Variants in AR observed in about 807,000 individuals in gnomAD.
AR encodes androgen receptor, also known as dihydrotestosterone receptor.
Under a neutral mutation model 53.9 loss-of-function variants are expected in AR, and 8 were observed. The ratio of observed to expected loss-of-function variants is 0.15; its 90% CI spans 0.09 to 0.27. The LOEUF (loss-of-function observed/expected upper bound fraction) is 0.27, where lower values mean the gene tolerates loss of function less well. Among genes scored for constraint, AR ranks in the 10% least tolerant of loss-of-function variants. The pLI is 1.00. For missense variants in AR, 639 were observed against 742.5 expected (o/e 0.86, Z 1.62); for synonymous variants, 359 against 316.4 (o/e 1.13, Z -1.43).
intron 3 of AR, among the ~76,000 whole-genome samples, chrX:67,688,498 A>G (rs1387656833): frequency 1.8e-5 from 2 of 111,797 alleles, no homozygotes; most frequent in Admixed American, 9.5e-5. Context: ...GAAAGTCTGT[A>G]ACACAGCACT....
chrX:67,673,351 A>ATCTCTCTTTC (rs2075877842), intron 2 of AR, among the ~76,000 whole-genome samples: 2 of 76,681 alleles, frequency 2.6e-5, no homozygotes, highest in Non-Finnish European at 5.6e-5. Context: ...TTCTACCAAG[A>ATCTCTCTTTC]TCTCTCTTTC....
intron 1 of AR, among the ~76,000 whole-genome samples, chrX:67,607,828 C>A (rs1225656360): frequency 9.0e-6 from 1 of 111,597 alleles, no homozygotes; most frequent in Non-Finnish European, 1.9e-5. Context: ...TCATATGGGA[C>A]CAAAAAATTC....
At chrX:67,598,449 T>G (rs1203431764) in intron 1 of AR, among the ~76,000 whole-genome samples, 4 of 110,257 alleles carry the variant, frequency 3.6e-5, no homozygotes, top group Non-Finnish European at 7.6e-5. Flanking sequence ...CCCAGCTAAT[T>G]TTTGTATTTT....
intron 3 of AR, among the ~76,000 whole-genome samples, chrX:67,697,648 G>A (rs1422234441): frequency 9.0e-6 from 1 of 111,255 alleles, no homozygotes; most frequent in Non-Finnish European, 1.9e-5. Context: ...GTCACATGGT[G>A]CAGAGTACCT....
Position 67,546,377 on chromosome X carries a change from C to G in AR, c.1231C>G (p.Leu411Val), listed in dbSNP as rs2147320854. 5.1e-6 allele frequency: 6 copies of G among 1,183,335 alleles called. No individual in the cohort carries two copies. Among genetic ancestry groups the G allele is most frequent in the Non-Finnish European group, 6.8e-6 (6 of 881,943 alleles). ...AAAAQCRYGDLASLHGAGAAG... is the reference protein window; with the variant it reads ...AAAAQCRYGDVASLHGAGAAG... ...GGCGGCGCAGTGCCGCTATGGGGAC[C>G]TGGCGAGCCTGCATGGCGCGGGTGC... Residue 411 changes from leucine to valine, a missense_variant, in exon 1 of 8, where the codon CTG (leucine) becomes GTG (valine). Coordinates refer to ENST00000374690, the MANE Select transcript of AR (RefSeq NM_000044.6).
chrX:67,723,292 G>A (rs1224346971), intron 7 of AR, among the ~76,000 whole-genome samples: 3 of 98,390 alleles, frequency 3.0e-5, no homozygotes, highest in Non-Finnish European at 6.1e-5. Flanking sequence ...TTTGAGTCAT[G>A]TTCATGTGAG....
intron 1 of AR, among the ~76,000 whole-genome samples, chrX:67,627,869 T>C (rs1477707864): frequency 1.6e-4 from 18 of 111,900 alleles, no homozygotes; most frequent in East Asian, 2.8e-4. Context: ...AGCCAGTTTT[T>C]CCAGCACCAT....
At chrX:67,602,651 C>T (rs894337329) in intron 1 of AR, among the ~76,000 whole-genome samples, 2 of 111,327 alleles carry the variant, frequency 1.8e-5, no homozygotes, top group Non-Finnish European at 3.8e-5. Flanking sequence ...AAAATGAGGG[C>T]CTCAGACCTA....
chrX:67,699,114 A>G (rs1025152465), intron 3 of AR, among the ~76,000 whole-genome samples: 2 of 112,275 alleles, frequency 1.8e-5, no homozygotes, highest in Non-Finnish European at 3.8e-5. Flanking sequence ...AGGAAGATGT[A>G]TTCATTTTCT....
At chrX:67,689,864 T>C (rs1185029324) in intron 3 of AR, 3 of 355,261 alleles carry the variant, frequency 8.4e-6, no homozygotes, top group Non-Finnish European at 1.1e-5. Flanking sequence ...ATTTCTCATT[T>C]TTCTCCGCAC....
At chrX:67,713,172 G>A (rs1272726114) in intron 4 of AR, among the ~76,000 whole-genome samples, 1 of 111,209 alleles carries the variant, frequency 9.0e-6, no homozygotes, top group Non-Finnish European at 1.9e-5. Flanking sequence ...TGGGCTTGTT[G>A]CATTTGAAGA....
chrX:67,728,550 T>C lies in AR; in HGVS notation c.*4709T>C, dbSNP rs1420273388. 9.1e-6 allele frequency: 1 copy of C among 110,209 alleles called. No individual in the cohort carries two copies. The highest frequency in any genetic ancestry group is 3.8e-5 in the African/African-American group (1 of 26,626). 9.1% of individuals were successfully genotyped at this position (110,209 alleles called of 1,213,427 possible). A position where few individuals can be genotyped will look rare whatever the true frequency, so the allele number is the denominator to read the frequency against. Reference sequence around the variant, plus strand: ...AGTTGAAATACATTGTAAATGAATATTTGTATCCATGTTTCAAAATTGAAA... The same window carrying C: ...AGTTGAAATACATTGTAAATGAATACTTGTATCCATGTTTCAAAATTGAAA... On this transcript the variant is annotated 3_prime_UTR_variant, in exon 8 of 8. Coordinates refer to ENST00000374690, the MANE Select transcript of AR (RefSeq NM_000044.6).
chrX:67,641,175 G>T (rs1318407483), intron 1 of AR, among the ~76,000 whole-genome samples: 1 of 111,459 alleles, frequency 9.0e-6, no homozygotes, highest in Non-Finnish European at 1.9e-5. Flanking sequence ...TGGAATCCTG[G>T]CATTGCCACT....
At chrX:67,599,786 G>A (rs945951006) in intron 1 of AR, among the ~76,000 whole-genome samples, 1 of 112,355 alleles carries the variant, frequency 8.9e-6, no homozygotes, top group Non-Finnish European at 1.9e-5. Context: ...AAAGCTGAAT[G>A]ATGATTTGTT....
At position 67,546,280 on chromosome X, in the gene AR, G is replaced by A. The variant is rs774540165; in HGVS notation, c.1134G>A (p.Pro378=). Residue 378 remains proline (P), a synonymous_variant, in exon 1 of 8, where the codon CCG becomes CCA. Transcript: ENST00000374690. ...PLALAGPPPP[P]PPPHPHARIK... ...CTCTGGCCGGACCGCCGCCCCCTCC[G>A]CCGCCTCCCCATCCCCACGCTCGCA... The A allele has an allele frequency of 1.7e-6, 2 of 1,200,749 alleles. No homozygotes were observed. The highest frequency in any genetic ancestry group is 2.2e-6 in the Non-Finnish European group (2 of 890,893).
intron 2 of AR, among the ~76,000 whole-genome samples, chrX:67,674,730 AAT>A (rs1365565205): frequency 5.4e-5 from 6 of 111,046 alleles, no homozygotes; most frequent in Non-Finnish European, 1.1e-4. Flanking sequence ...CAGGTCCGGA[AAT>A]ACTATCCAAG....
chrX:67,620,337 A>G (rs1171616370), intron 1 of AR, among the ~76,000 whole-genome samples: 1 of 109,287 alleles, frequency 9.2e-6, no homozygotes, highest in Non-Finnish European at 1.9e-5. Context: ...TGCCTTAACC[A>G]GTAGTGTCTG....
rs765631435 is a variant in AR, at chrX:67,627,842, G to A, written c.1617-15414G>A. 2.7e-5 allele frequency among the ~76,000 whole-genome samples: 3 copies of A among 111,795 alleles called. No individual in the cohort carries two copies. The South Asian group carries it at 1.1e-3, about 42-fold the overall frequency. On this transcript the variant is annotated intron_variant, in intron 1 of 7. Coordinates refer to ENST00000374690, the MANE Select transcript of AR (RefSeq NM_000044.6). ...GGTGTAAGGAAGGGATCCAGTTTCAGCTTTCTACATATGGCTAGCCAGTTT... is the reference window on the plus strand; with the variant it reads ...GGTGTAAGGAAGGGATCCAGTTTCAACTTTCTACATATGGCTAGCCAGTTT...
intron 1 of AR, among the ~76,000 whole-genome samples, chrX:67,560,283 C>A (rs1346887003): frequency 9.0e-6 from 1 of 111,304 alleles, no homozygotes; most frequent in Non-Finnish European, 1.9e-5. Context: ...CTCAGTCATT[C>A]CTTCTCCCCC....
Sources: gnomAD v4.1 joint callset for allele counts (sites outside exome capture counted in the v4.1 genomes callset) on GRCh38, gnomAD v4.1.1 for gene constraint, MANE v1.5 for transcripts, NCBI Gene and HGNC (gene_info 2026-07-23, HGNC 2026-07-21) for gene names.